TARM1: variants seen among roughly 807,000 people sequenced by gnomAD.
The protein encoded by TARM1 is T-cell-interacting, activating receptor on myeloid cells protein 1.
In TARM1, 24 loss-of-function variants were observed where a neutral mutation model predicts 30.4. The observed-to-expected ratio is 0.79, with a 90% CI of 0.57 to 1.11. TARM1 has a LOEUF of 1.11. Ranked by LOEUF, TARM1 falls within the 50% of genes least tolerant of loss-of-function variation. The pLI is 0.00. For synonymous variants in TARM1, 129 were observed against 138.9 expected, an observed-to-expected ratio of 0.93 and a Z score of 0.50; for missense variants, 323 against 332.8, an observed-to-expected ratio of 0.97 and a Z score of 0.23.
chr19:54,075,074 C>G lies in TARM1; in HGVS notation c.111G>C (p.Ser37=). ...TCACATTGCTGTTGGCAGGGACCAC[C>G]GAGCTGGGCCAGGCACTGAGGGACG... ...PKPSLSAWPS[S]VVPANSNVTL... is the part of the protein sequence containing the mutation. The change falls in exon 3 of 5, where the codon TCG becomes TCC. Residue 37 remains serine, a synonymous_variant. Coordinates refer to ENST00000432826, the MANE Select transcript of TARM1 (RefSeq NM_001135686.3). 1 of 1,551,486 alleles carries G rather than the reference C, an allele frequency of 6.4e-7. No homozygotes were observed. The highest frequency in any genetic ancestry group is 8.7e-7 in the Non-Finnish European group (1 of 1,146,988).
intron 3 of TARM1, 47 bp downstream of exon 3, chr19:54,074,777 C>T: frequency 6.5e-7 from 1 of 1,529,772 alleles, no homozygotes; most frequent in Non-Finnish European, 8.8e-7. Flanking sequence ...CACTTCCTCC[C>T]TCATCCCCTG....
rs2071911384 is a variant in TARM1 at position 54,074,994 on chromosome 19, C to T, written c.191G>A (p.Gly64Glu). ...RGVSFVLRKG[G>E]IILESPKPLD... The stretch of plus-strand genomic sequence containing the variant: ...GGGCTTCGGGGACTCCAGAATAATT[C>T]CTCCCTTCCTGAGAACAAAGCTCAC... Residue 64 changes from glycine (G) to glutamate (E), a missense_variant, in exon 3 of 5, where the codon GGA becomes GAA. Gly to Glu is a moderately conservative substitution (Grantham distance 98, BLOSUM62 -2). Coordinates refer to ENST00000432826, the MANE Select transcript of TARM1 (RefSeq NM_001135686.3). 1.3e-6 allele frequency: 2 copies of T among 1,551,510 alleles called. No individual in the cohort carries two copies. The highest frequency in any genetic ancestry group is 8.7e-7 in the Non-Finnish European group (1 of 1,146,970).
chr19:54,071,602 G>A (rs1600197066), intron 4 of TARM1, among the ~76,000 whole-genome samples: 2 of 152,192 alleles, frequency 1.3e-5, no homozygotes, highest in South Asian at 4.1e-4. Context: ...AGGATTGCTT[G>A]AGGCCAGGAG....
chr19:54,079,294 T>C (rs2072039052), intron 1 of TARM1, among the ~76,000 whole-genome samples: 1 of 143,172 alleles, frequency 7.0e-6, no homozygotes, highest in Admixed American at 7.0e-5. Flanking sequence ...GAAATTAGAA[T>C]GGAGGTTACC....
intron 1 of TARM1, among the ~76,000 whole-genome samples, chr19:54,077,190 G>A (rs2071977597): frequency 6.6e-6 from 1 of 151,958 alleles, no homozygotes; most frequent in Non-Finnish European, 1.5e-5. Flanking sequence ...AGACCAGCCT[G>A]GCCAACATGG....
At chr19:54,073,643 G>A (rs2071868298) in intron 4 of TARM1, among the ~76,000 whole-genome samples, 2 of 151,596 alleles carry the variant, frequency 1.3e-5, no homozygotes, top group South Asian at 2.1e-4. Context: ...ACAGGTGCAT[G>A]CCATCATACC....
chr19:54,080,376 T>G (rs1211687295), intron 1 of TARM1, among the ~76,000 whole-genome samples: 5 of 146,298 alleles, frequency 3.4e-5, no homozygotes, highest in Admixed American at 2.1e-4. Flanking sequence ...GAGAATGGCG[T>G]GAACCCGGGA....
chr19:54,075,257 A>G, intron 2 of TARM1, 143 bp from the exon 3 acceptor site: 1 of 689,896 alleles, frequency 1.4e-6, no homozygotes, highest in Non-Finnish European at 2.2e-6. Context: ...GTGCAATCTC[A>G]GTTCACTGCA....
At position 54,074,155 on chromosome 19, in the gene TARM1, C is replaced by G; in HGVS notation, c.423G>C (p.Arg141Ser). ...YQRGTVTAGG[R>S]VTLQCQKRDQ... ...CTCGCTTCTGGCACTGCAGAGTCAC[C>G]CTTCCACCTGCGGTCACTGTACCCC... Residue 141 changes from arginine (R) to serine (S), a missense_variant, in exon 4 of 5, where the codon AGG becomes AGC. Transcript: ENST00000432826. 2 of 1,551,216 alleles carry G rather than the reference C, an allele frequency of 1.3e-6. No homozygotes were observed. Among genetic ancestry groups the G allele is most frequent in the Non-Finnish European group, 1.7e-6 (2 of 1,146,988 alleles).
chr19:54,074,194 G>A lies in TARM1; in HGVS notation c.384C>T (p.Leu128=). The change falls in exon 4 of 5, where the codon CTC becomes CTT. Residue 128 remains leucine, a synonymous_variant. Coordinates refer to ENST00000432826, the MANE Select transcript of TARM1 (RefSeq NM_001135686.3). ...LVTGHLSKPF[L]RTYQRGTVTA... Reference sequence around the variant, plus strand: ...TCACTGTACCCCTTTGGTAGGTTCGGAGGAAAGGTTTAGATAAATGTCCTG... The same window carrying A: ...TCACTGTACCCCTTTGGTAGGTTCGAAGGAAAGGTTTAGATAAATGTCCTG... 6.4e-7 allele frequency: 1 copy of A among 1,551,606 alleles called. No individual in the cohort carries two copies. Among genetic ancestry groups the A allele is most frequent in the Non-Finnish European group, 8.7e-7 (1 of 1,146,924 alleles).
At chr19:54,077,535 G>C (rs1333735881) in intron 1 of TARM1, among the ~76,000 whole-genome samples, 1 of 152,034 alleles carries the variant, frequency 6.6e-6, no homozygotes, top group Non-Finnish European at 1.5e-5. Flanking sequence ...AACAGTTTTA[G>C]GTCTCAGCAG....
chr19:54,073,097 AG>A (rs1391935699), intron 4 of TARM1, among the ~76,000 whole-genome samples: 27 of 152,070 alleles, frequency 1.8e-4, no homozygotes, highest in Non-Finnish European at 3.8e-4. Context: ...AAATTTTCCA[AG>A]GATGTAGTAT....
chr19:54,071,081 C>T (rs1456440798), intron 4 of TARM1, among the ~76,000 whole-genome samples: 1 of 152,032 alleles, frequency 6.6e-6, no homozygotes, highest in Non-Finnish European at 1.5e-5. Flanking sequence ...CCTCAGCCTC[C>T]CGAATAGCTA....
chr19:54,075,372 G>T (rs891525430), intron 2 of TARM1, among the ~76,000 whole-genome samples: 3 of 151,654 alleles, frequency 2.0e-5, no homozygotes, highest in African/African-American at 7.3e-5. Context: ...TTTTAGTAGA[G>T]ACAAGGTTTC....
chr19:54,072,846 C>T (rs8102245), intron 4 of TARM1, among the ~76,000 whole-genome samples: 107,133 of 151,766 alleles, frequency 0.71, 38,025 homozygotes, highest in East Asian at 0.88. Flanking sequence ...GGCGTGGTGG[C>T]GGGCACATGT....
chr19:54,075,502 G>T (rs1453765472), intron 2 of TARM1, among the ~76,000 whole-genome samples: 6 of 151,028 alleles, frequency 4.0e-5, no homozygotes, highest in African/African-American at 7.3e-5. Context: ...CCCATTTTAA[G>T]AAGGGAAGCG....
At chr19:54,071,210 G>A (rs991103286) in intron 4 of TARM1, among the ~76,000 whole-genome samples, 2 of 151,740 alleles carry the variant, frequency 1.3e-5, no homozygotes, top group African/African-American at 2.4e-5. Flanking sequence ...CGCCTGCCTC[G>A]GCCTCCCAAG....
At chr19:54,077,334 C>T (rs1381092665) in intron 1 of TARM1, among the ~76,000 whole-genome samples, 1 of 151,230 alleles carries the variant, frequency 6.6e-6, no homozygotes, top group African/African-American at 2.4e-5. Context: ...GAGCTGAGAT[C>T]GCACCACTGC....
At chr19:54,079,085 T>C (rs1184163142) in intron 1 of TARM1, among the ~76,000 whole-genome samples, 1 of 107,644 alleles carries the variant, frequency 9.3e-6, no homozygotes, top group Admixed American at 1.0e-4. Context: ...TGAAACCTTG[T>C]CTCTACTAAA....
Sources: allele counts gnomAD v4.1 joint callset (sites outside exome capture counted in the v4.1 genomes callset), GRCh38; gene constraint gnomAD v4.1.1; transcripts MANE v1.5; gene names NCBI Gene and HGNC (gene_info 2026-07-23, HGNC 2026-07-21).